The following PSKH1 variants were observed in gnomAD, a reference collection of about 807,000 sequenced individuals.
The protein encoded by PSKH1 is protein serine kinase H1.
A neutral mutation model predicts 26.7 loss-of-function variants in PSKH1; 12 were observed. The observed-to-expected ratio is 0.45, with a 90% CI of 0.29 to 0.73. The LOEUF is 0.73. PSKH1 is among the 30% of genes least tolerant of loss of function. The pLI is 0.11. For synonymous variants in PSKH1, 213 were observed against 234.3 expected, an observed-to-expected ratio of 0.91 and a Z score of 0.83; for missense variants, 431 against 595.2, an observed-to-expected ratio of 0.72 and a Z score of 2.87.
chr16:67,926,240 C>T (rs1239146042), intron 2 of PSKH1, among the ~76,000 whole-genome samples: 1 of 152,204 alleles, frequency 6.6e-6, no homozygotes, highest in Non-Finnish European at 1.5e-5. Flanking sequence ...AAGGACTCAC[C>T]TGGCTGAGCC....
At chr16:67,901,787 C>G (rs1469402139) in intron 1 of PSKH1, among the ~76,000 whole-genome samples, 4 of 152,012 alleles carry the variant, frequency 2.6e-5, no homozygotes, top group Non-Finnish European at 4.4e-5. Flanking sequence ...GTGCATGCCA[C>G]CACGCCTGAC....
chr16:67,917,441 T>A (rs1332428079), intron 2 of PSKH1, among the ~76,000 whole-genome samples: 1 of 152,238 alleles, frequency 6.6e-6, no homozygotes, highest in Non-Finnish European at 1.5e-5. Context: ...GAGGACAGCA[T>A]GTACATCAAT....
chr16:67,924,500 G>A (rs1283460475), intron 2 of PSKH1, among the ~76,000 whole-genome samples: 2 of 152,230 alleles, frequency 1.3e-5, no homozygotes, highest in Non-Finnish European at 2.9e-5. Context: ...CTGCACTGGT[G>A]ACTGGTTTGG....
rs1017081440 is a variant in PSKH1, at chr16:67,923,447, G to GT, written c.958-3877dup. Among the ~76,000 whole-genome samples the GT allele has an allele frequency of 5.9e-5, 9 of 152,170 alleles. 1 individual carries two copies. Among genetic ancestry groups the GT allele is most frequent in the African/African-American group, 2.2e-4 (9 of 41,438 alleles). On this transcript the variant is annotated intron_variant, in intron 2 of 2. Transcript: ENST00000291041. Reference sequence around the variant, plus strand: ...CTCACTCACGCAGCAGTGTCTCGAAGTGCTGGGATTAGAGGTGTGAGCCAC... The same window carrying GT: ...CTCACTCACGCAGCAGTGTCTCGAAGTTGCTGGGATTAGAGGTGTGAGCCAC...
chr16:67,894,572 G>A (rs1783476652), intron 1 of PSKH1, among the ~76,000 whole-genome samples: 1 of 152,014 alleles, frequency 6.6e-6, no homozygotes, highest in African/African-American at 2.4e-5. Flanking sequence ...CACTTCCTAG[G>A]AAAAAAATCT....
intron 1 of PSKH1, among the ~76,000 whole-genome samples, chr16:67,902,308 T>A (rs2058144203): frequency 6.6e-6 from 1 of 152,028 alleles, no homozygotes; most frequent in South Asian, 2.1e-4. Context: ...GACCTTTTGT[T>A]TTTTGTTTTT....
At chr16:67,902,227 G>A (rs967563674) in intron 1 of PSKH1, among the ~76,000 whole-genome samples, 3 of 151,032 alleles carry the variant, frequency 2.0e-5, no homozygotes, top group African/African-American at 4.9e-5. Context: ...GCCACTGCAC[G>A]CCAACTTAGG....
At chr16:67,898,480 G>A (rs1286329925) in intron 1 of PSKH1, among the ~76,000 whole-genome samples, 1 of 151,384 alleles carries the variant, frequency 6.6e-6, no homozygotes, top group African/African-American at 2.4e-5. Context: ...TCAAACTCTT[G>A]GCCTCAAGTG....
chr16:67,923,358 GA>G (rs1217566884), intron 2 of PSKH1, among the ~76,000 whole-genome samples: 1 of 152,214 alleles, frequency 6.6e-6, no homozygotes, highest in Non-Finnish European at 1.5e-5. Context: ...GTCAGAATCA[GA>G]GCAGAGGTGA....
intron 2 of PSKH1, among the ~76,000 whole-genome samples, chr16:67,924,849 G>T (rs1020822071): frequency 2.0e-5 from 3 of 152,184 alleles, no homozygotes; most frequent in Non-Finnish European, 4.4e-5. Flanking sequence ...GCTTCTTTCT[G>T]TCTCTCCGGT....
chr16:67,922,262 T>G (rs1396897764), intron 2 of PSKH1, among the ~76,000 whole-genome samples: 6 of 152,236 alleles, frequency 3.9e-5, no homozygotes, highest in Non-Finnish European at 2.9e-5. Flanking sequence ...GTTGTCATGC[T>G]GCTTTCCTGA....
chr16:67,903,237 C>G (rs1283537545), intron 1 of PSKH1: 1 of 152,108 alleles, frequency 6.6e-6, no homozygotes, highest in Non-Finnish European at 1.5e-5. Context: ...CAACCTCAAC[C>G]TCTTGGACTG....
intron 2 of PSKH1, among the ~76,000 whole-genome samples, chr16:67,914,847 C>G (rs2058182725): frequency 6.6e-6 from 1 of 152,108 alleles, no homozygotes; most frequent in African/African-American, 2.4e-5. Context: ...TGTTGAGGGT[C>G]CAGCTGGCAG....
intron 2 of PSKH1, among the ~76,000 whole-genome samples, chr16:67,919,119 G>A (rs972605135): frequency 2.0e-5 from 3 of 152,190 alleles, no homozygotes; most frequent in Non-Finnish European, 2.9e-5. Flanking sequence ...CATGGGGAGC[G>A]CTGTCCGGGT....
chr16:67,915,881 C>G (rs2058186557), intron 2 of PSKH1, among the ~76,000 whole-genome samples: 2 of 152,190 alleles, frequency 1.3e-5, no homozygotes, highest in African/African-American at 2.4e-5. Flanking sequence ...GGGGAAAATG[C>G]AAGAGACGTG....
Position 67,909,503 on chromosome 16 carries a change from T to C in PSKH1, c.754T>C (p.Cys252Arg), listed in dbSNP as rs745472725. Reference protein sequence around the residue: ...LASARKKGDDCLMKTTCGTPE... With the variant: ...LASARKKGDDRLMKTTCGTPE... ...CAGTGCTCGCAAGAAGGGTGATGAC[T>C]GCTTGATGAAGACCACCTGTGGCAC... Residue 252 changes from cysteine to arginine, a missense_variant, in exon 2 of 3, where the codon TGC becomes CGC. Transcript: ENST00000291041. The surrounding 1 kb of genome is among the most constrained non-coding windows in gnomAD (Gnocchi z 7.8). 6.2e-7 allele frequency: 1 copy of C among 1,613,748 alleles called. No homozygotes were observed. The highest frequency in any genetic ancestry group is 1.3e-5 in the African/African-American group (1 of 75,024).
At chr16:67,896,218 C>G (rs888811528) in intron 1 of PSKH1, among the ~76,000 whole-genome samples, 1 of 151,994 alleles carries the variant, frequency 6.6e-6, no homozygotes, top group African/African-American at 2.4e-5. Context: ...AAGCAATTCT[C>G]CTGTCTCAGC....
chr16:67,920,666 C>G (rs1184983841), intron 2 of PSKH1, among the ~76,000 whole-genome samples: 2 of 152,220 alleles, frequency 1.3e-5, no homozygotes, highest in Admixed American at 1.3e-4. Flanking sequence ...GTGACCTGGT[C>G]CAGCCATCCT....
Position 67,927,201 on chromosome 16 carries a change from T to G in PSKH1, c.958-124T>G. On this transcript the variant is annotated intron_variant, in intron 2 of 2. Transcript: ENST00000291041. The surrounding 1 kb of genome is among the most constrained non-coding windows in gnomAD (Gnocchi z 5.5). ...CAGCGTTGGGCGGGGAGGCCCCAAG[T>G]GCTACATGAGAGGAGGGGCAGCACC... 1.0e-6 allele frequency: 1 copy of G among 991,240 alleles called. No homozygotes were observed. Among genetic ancestry groups the G allele is most frequent in the Non-Finnish European group, 1.5e-6 (1 of 668,956 alleles). 61.4% of individuals were successfully genotyped at this position (991,240 alleles called of 1,614,324 possible).
Sources: gnomAD v4.1 joint callset for allele counts (sites outside exome capture counted in the v4.1 genomes callset) on GRCh38, gnomAD v4.1.1 for gene constraint, Gnocchi (gnomAD v3.1) non-coding constraint, MANE v1.5 for transcripts, NCBI Gene and HGNC (gene_info 2026-07-23, HGNC 2026-07-21) for gene names.